SRGAP2B: variants seen among roughly 807,000 people sequenced by gnomAD.
The protein encoded by SRGAP2B is SLIT-ROBO Rho GTPase activating protein 2B.
SRGAP2B carries 9 observed loss-of-function variants against 22.2 expected under a neutral mutation model. That is an observed-to-expected ratio of 0.41 (90% confidence interval 0.24 to 0.71). SRGAP2B has a LOEUF of 0.71. SRGAP2B is among the 30% of genes least tolerant of loss of function. The probability of loss-of-function intolerance (pLI) is 0.35; values close to 1 mark genes in which losing one functional copy is unlikely to be tolerated. For synonymous variants in SRGAP2B, 36 were observed against 87.4 expected, an observed-to-expected ratio of 0.41 and a Z score of 3.28; for missense variants, 114 against 235.8, an observed-to-expected ratio of 0.48 and a Z score of 3.38.
At chr1:144,937,671 CAA>C (rs587763872) in intron 4 of SRGAP2B, among the ~76,000 whole-genome samples, 1 of 6,532 alleles carries the variant, frequency 1.5e-4, no homozygotes, top group South Asian at 4.5e-3. Flanking sequence ...GCTAGCTCTT[CAA>C]AGTCTTCTTT....
intron 2 of SRGAP2B, among the ~76,000 whole-genome samples, chr1:145,068,217 A>G (rs1202578138): frequency 1.4e-5 from 2 of 146,190 alleles, no homozygotes; most frequent in Non-Finnish European, 3.0e-5. Flanking sequence ...AAAAAAAAAA[A>G]AAAAAAAAAA....
At chr1:144,974,142 G>A (rs1164380652) in intron 3 of SRGAP2B, among the ~76,000 whole-genome samples, 1 of 149,792 alleles carries the variant, frequency 6.7e-6, no homozygotes, top group African/African-American at 2.5e-5. Flanking sequence ...AAACCTATCA[G>A]TACATAGAAA....
At chr1:145,044,650 TAAAAAAAAAAAAAAAAAAAAAA>T (rs1184404731) in intron 2 of SRGAP2B, among the ~76,000 whole-genome samples, 84 of 30,600 alleles carry the variant, frequency 2.7e-3, no homozygotes, top group African/African-American at 3.8e-3. Flanking sequence ...AACCCCCTCC[TAAAAAAAAAAAAAAAAAAAAAA>T]AAAAAAAAAA....
chr1:145,007,170 CAG>C (rs1294869554), intron 2 of SRGAP2B, among the ~76,000 whole-genome samples: 6 of 150,522 alleles, frequency 4.0e-5, no homozygotes, highest in Non-Finnish European at 7.4e-5. Context: ...CACTGAGGTT[CAG>C]AGAGATCAGT....
intron 4 of SRGAP2B, among the ~76,000 whole-genome samples, chr1:144,944,860 A>G (rs1666372215): frequency 6.8e-6 from 1 of 147,850 alleles, no homozygotes; most frequent in Admixed American, 6.7e-5. Context: ...TCCGGGTTCA[A>G]GTGATTCTCC....
At chr1:144,998,818 GC>G (rs1670898385) in intron 2 of SRGAP2B, among the ~76,000 whole-genome samples, 1 of 150,778 alleles carries the variant, frequency 6.6e-6, no homozygotes, top group African/African-American at 2.5e-5. Flanking sequence ...TGCCTTAGGC[GC>G]TGCTGCTGCT....
At chr1:144,934,281 A>G (rs1288746953) in intron 4 of SRGAP2B, among the ~76,000 whole-genome samples, 2 of 149,274 alleles carry the variant, frequency 1.3e-5, no homozygotes, top group East Asian at 2.0e-4. Flanking sequence ...GGCACATACT[A>G]TAATCCCAGC....
rs1289963947 is a variant in SRGAP2B at position 145,022,516 on chromosome 1, A to C, written c.68-27316T>G. On this transcript the variant is annotated intron_variant, in intron 2 of 9. Coordinates refer to ENST00000612199, the Ensembl canonical transcript of SRGAP2B. Reference sequence around the variant, plus strand: ...TACCTCCTGCCATCTGCAAAATTAAATTAAATGGTCCTTCGCTTCTGAAAT... The same window carrying C: ...TACCTCCTGCCATCTGCAAAATTAACTTAAATGGTCCTTCGCTTCTGAAAT... Among the ~76,000 whole-genome samples the C allele has an allele frequency of 2.1e-4, 30 of 140,306 alleles. 1 individual carries two copies. The highest frequency in any genetic ancestry group is 7.9e-4 in the African/African-American group (28 of 35,340). 92.0% of individuals were successfully genotyped at this position (140,306 alleles called of 152,430 possible).
chr1:145,040,532 TACTCA>T (rs1377455409), intron 2 of SRGAP2B, among the ~76,000 whole-genome samples: 10 of 150,900 alleles, frequency 6.6e-5, no homozygotes, highest in African/African-American at 2.2e-4. Context: ...CTGTTGAAAC[TACTCA>T]ACTCTGCTCT....
In SRGAP2B at chr1:145,024,855, GA is replaced by G. The variant is rs1172899572; in HGVS notation, c.68-29656del. Among the ~76,000 whole-genome samples, 15 of 133,048 alleles carry G rather than the reference GA, an allele frequency of 1.1e-4. 2 individuals are homozygous for G. The highest frequency in any genetic ancestry group is 4.8e-4 in the South Asian group (2 of 4,148). The allele number at this position is 133,048 out of a possible 152,430, so 87.3% of individuals were successfully genotyped here. On this transcript the variant is annotated intron_variant, in intron 2 of 9. Coordinates refer to ENST00000612199, the Ensembl canonical transcript of SRGAP2B. ...TCAGAATCAACTGAATGAAGGGATA[GA>G]AAAAAAAAATCCAAGAAATTGGGAA...
At chr1:144,921,117 T>A (rs1256733667) in intron 4 of SRGAP2B, among the ~76,000 whole-genome samples, 7 of 146,988 alleles carry the variant, frequency 4.8e-5, no homozygotes. Context: ...CCCATCAGAA[T>A]GCAATTCTTC....
chr1:144,967,040 T>C (rs1213649060), intron 3 of SRGAP2B, among the ~76,000 whole-genome samples: 4 of 111,100 alleles, frequency 3.6e-5, no homozygotes, highest in Non-Finnish European at 3.5e-5. Flanking sequence ...ACATTAATAA[T>C]GGGAGACTTT....
intron 4 of SRGAP2B, among the ~76,000 whole-genome samples, chr1:144,933,344 T>C (rs1175654323): frequency 1.3e-5 from 2 of 150,390 alleles, no homozygotes; most frequent in Non-Finnish European, 2.9e-5. Context: ...AGAAAAATAT[T>C]CAAAGGGCTA....
intron 3 of SRGAP2B, among the ~76,000 whole-genome samples, chr1:144,994,567 TGAGAGA>T (rs56165682): frequency 0.1 from 12,206 of 122,228 alleles, 728 homozygotes; most frequent in Non-Finnish European, 0.14. Context: ...TGTGTGTGTG[TGAGAGA>T]GAGAGAGAGA....
intron 4 of SRGAP2B, among the ~76,000 whole-genome samples, chr1:144,921,693 AC>A (rs1664268286): frequency 8.8e-6 from 1 of 113,510 alleles, no homozygotes; most frequent in Admixed American, 9.5e-5. Context: ...ACAATATGAA[AC>A]CATCTAAAGC....
At chr1:145,086,744 T>G (rs1347334407) in intron 2 of SRGAP2B, among the ~76,000 whole-genome samples, 2 of 61,358 alleles carry the variant, frequency 3.3e-5, no homozygotes, top group Non-Finnish European at 6.1e-5. Flanking sequence ...CACAGCAGCA[T>G]TATTCAAAAT....
chr1:144,978,786 C>T (rs1235431941), intron 3 of SRGAP2B, among the ~76,000 whole-genome samples: 4 of 146,126 alleles, frequency 2.7e-5, no homozygotes, highest in Admixed American at 1.4e-4. Context: ...TCTGGTAAAT[C>T]GCTTTTTTTC....
chr1:144,925,213 C>A (rs587654075), intron 4 of SRGAP2B, among the ~76,000 whole-genome samples: 2 of 150,120 alleles, frequency 1.3e-5, no homozygotes, highest in Admixed American at 6.6e-5. Context: ...CTATTTTGGC[C>A]GGGATGATCT....
intron 2 of SRGAP2B, among the ~76,000 whole-genome samples, chr1:145,068,893 A>ATGTGTGTG (rs797031320): frequency 9.2e-5 from 10 of 109,252 alleles, no homozygotes; most frequent in South Asian, 3.3e-4. Context: ...ATAAGGTAAA[A>ATGTGTGTG]TGTGTGTGTG....
Sources: gnomAD v4.1 joint callset for allele counts (sites outside exome capture counted in the v4.1 genomes callset) on GRCh38, gnomAD v4.1.1 for gene constraint, MANE v1.5 for transcripts, NCBI Gene and HGNC (gene_info 2026-07-23, HGNC 2026-07-21) for gene names.